The following HOXA3 variants were observed in gnomAD, a reference collection of about 807,000 sequenced individuals.
HOXA3 encodes the protein homeobox protein Hox-A3.
HOXA3 carries 8 observed loss-of-function variants against 30.3 expected under a neutral mutation model. The observed-to-expected ratio is 0.26, with a 90% CI of 0.15 to 0.48. HOXA3 has a LOEUF of 0.48. Among genes scored for constraint, HOXA3 ranks in the 20% least tolerant of loss-of-function variants. The pLI is 0.99. For synonymous variants in HOXA3, 323 were observed against 273.1 expected (o/e 1.18, Z -1.80); for missense variants, 653 against 614.4 (o/e 1.06, Z -0.66).
Position 27,108,297 on chromosome 7 carries a change from G to A in HOXA3, c.950C>T (p.Pro317Leu). The stretch of plus-strand genomic sequence containing the variant: ...TGGGGGTGGCGGGGGTGCGCAGCTG[G>A]GCAGGGACGCAGGGTAGGAGGCGGG... Reference protein sequence around the residue: ...LPPASYPASLPSCAPPPPPQK... With the variant: ...LPPASYPASLLSCAPPPPPQK... The change falls in exon 6 of 6, where the codon CCC becomes CTC. Residue 317 changes from proline (P) to leucine (L), a missense_variant. Physicochemically the swap from Pro to Leu is moderately conservative, Grantham distance 98. This residue lies in a region of HOXA3 where 330 missense variants were observed against 274.4 expected (regional missense o/e 1.20). Coordinates refer to ENST00000612286, the MANE Select transcript of HOXA3 (RefSeq NM_153631.3). The surrounding 1 kb of genome is among the most constrained non-coding windows in gnomAD (Gnocchi z 5.0). The A allele has an allele frequency of 6.6e-7, 1 of 1,524,516 alleles. No individual in the cohort carries two copies. Among genetic ancestry groups the A allele is most frequent in the Non-Finnish European group, 8.8e-7 (1 of 1,136,134 alleles). 94.4% of individuals were successfully genotyped at this position (1,524,516 alleles called of 1,614,324 possible).
chr7:27,117,882 G>A (rs913357004), intron 4 of HOXA3, among the ~76,000 whole-genome samples: 4 of 152,222 alleles, frequency 2.6e-5, no homozygotes, highest in African/African-American at 9.6e-5. Flanking sequence ...CTGCTGCAGT[G>A]GACAAAGCCA....
chr7:27,127,461 C>T (rs1218771188), intron 2 of HOXA3, among the ~76,000 whole-genome samples: 1 of 152,202 alleles, frequency 6.6e-6, no homozygotes, highest in Admixed American at 6.5e-5. Context: ...AGGGTTTTGC[C>T]ACTAATGAGA....
intron 2 of HOXA3, chr7:27,129,950 C>T: frequency 1.4e-6 from 1 of 725,542 alleles, no homozygotes; most frequent in Admixed American, 2.8e-5. Context: ...ATGTTGGGAT[C>T]AGGCGGCTGG....
rs772039301 is a variant in HOXA3 at position 27,143,130 on chromosome 7, C to T, written c.-493-2944G>A. On this transcript the variant is annotated intron_variant, in intron 1 of 5. Coordinates refer to ENST00000612286, the MANE Select transcript of HOXA3 (RefSeq NM_153631.3). Reference sequence around the variant, plus strand: ...GGGCTCGGCTCGCTCTGCGCACTCGCCTGCTCGCTGCTGGCAGGGGCGTCC... The same window carrying T: ...GGGCTCGGCTCGCTCTGCGCACTCGTCTGCTCGCTGCTGGCAGGGGCGTCC... 11 of 1,607,466 alleles carry T rather than the reference C, an allele frequency of 6.8e-6. No homozygotes were observed. The highest frequency in any genetic ancestry group is 9.3e-6 in the Non-Finnish European group (11 of 1,177,976).
At chr7:27,134,550 C>T (rs180799433) in intron 2 of HOXA3, among the ~76,000 whole-genome samples, 9 of 152,206 alleles carry the variant, frequency 5.9e-5, no homozygotes, top group African/African-American at 9.7e-5. Context: ...CAAAGAGACA[C>T]GTAATTGTCT....
At chr7:27,152,194 C>T (rs1686525470) in intron 1 of HOXA3, 94 bp downstream of exon 1, 3 of 661,794 alleles carry the variant, frequency 4.5e-6, no homozygotes, top group South Asian at 3.6e-5. Flanking sequence ...GAGTATGCCC[C>T]TCTTAAAGCC....
chr7:27,114,604 G>C (rs887746244), intron 4 of HOXA3, among the ~76,000 whole-genome samples: 3 of 150,988 alleles, frequency 2.0e-5, no homozygotes, highest in African/African-American at 7.3e-5. Flanking sequence ...AGTGAAATGG[G>C]ATGCTCTGGG....
At chr7:27,111,896 G>A (rs17471751) in intron 4 of HOXA3, among the ~76,000 whole-genome samples, 1,694 of 152,236 alleles carry the variant, frequency 0.011, 37 homozygotes, top group African/African-American at 0.038. Context: ...TTTGGCTCCC[G>A]ACGAGGGATG....
intron 4 of HOXA3, among the ~76,000 whole-genome samples, chr7:27,112,297 C>T (rs921256294): frequency 5.3e-5 from 8 of 152,010 alleles, no homozygotes; most frequent in African/African-American, 1.5e-4. Context: ...CAGAGTTATT[C>T]AAGTTTTCCA....
At chr7:27,135,665 C>A (rs1206315769) in intron 2 of HOXA3, among the ~76,000 whole-genome samples, 3 of 152,156 alleles carry the variant, frequency 2.0e-5, no homozygotes, top group Non-Finnish European at 2.9e-5. Context: ...AGACAAAAAA[C>A]CGGCCAATCA....
intron 3 of HOXA3, among the ~76,000 whole-genome samples, chr7:27,126,484 C>T (rs557959336): frequency 5.4e-4 from 82 of 151,894 alleles, no homozygotes; most frequent in Non-Finnish European, 9.1e-4. Context: ...TTTGTCCTCT[C>T]GGTGAACTCT....
At chr7:27,120,164 C>T (rs1323687309) in intron 4 of HOXA3, among the ~76,000 whole-genome samples, 1 of 152,134 alleles carries the variant, frequency 6.6e-6, no homozygotes, top group African/African-American at 2.4e-5. Flanking sequence ...TCCCTACCCC[C>T]AAGTTTCTGA....
intron 4 of HOXA3, among the ~76,000 whole-genome samples, chr7:27,119,294 TTC>T (rs1264747186): frequency 9.9e-5 from 15 of 151,718 alleles, no homozygotes; most frequent in Admixed American, 7.2e-4. Context: ...CACCAGCAAA[TTC>T]TCTCCCCACC....
intron 1 of HOXA3, chr7:27,147,378 A>G (rs1417328965): frequency 1.9e-6 from 3 of 1,613,978 alleles, no homozygotes; most frequent in South Asian, 1.1e-5. Flanking sequence ...CGCCTTCGTC[A>G]TGGAGTGCTT....
intron 3 of HOXA3, chr7:27,123,971 G>A (rs955435592): frequency 6.6e-6 from 1 of 152,266 alleles, no homozygotes; most frequent in Non-Finnish European, 1.5e-5. Context: ...GAGCAAGGTG[G>A]ACTCAGCCAT....
intron 2 of HOXA3, chr7:27,129,634 G>A: frequency 3.8e-6 from 6 of 1,579,786 alleles, no homozygotes; most frequent in Non-Finnish European, 5.2e-6. Context: ...AGGGAAAGGA[G>A]GAGGAGAGAG....
chr7:27,108,426 C>T lies in HOXA3; in HGVS notation c.821G>A (p.Gly274Asp). Residue 274 changes from glycine to aspartate, a missense_variant, in exon 6 of 6, where the codon GGT (glycine) becomes GAT (aspartate). Gly to Asp is a moderately conservative substitution (Grantham distance 94). This residue lies in a region of HOXA3 where 330 missense variants were observed against 274.4 expected (regional missense o/e 1.20). Coordinates refer to ENST00000612286, the MANE Select transcript of HOXA3 (RefSeq NM_153631.3). The surrounding 1 kb of genome is among the most constrained non-coding windows in gnomAD (Gnocchi z 5.0). Reference protein sequence around the residue: ...PSRSPVPPGAGGYLNSMHSLV... With the variant: ...PSRSPVPPGADGYLNSMHSLV... ...CGAATGCATAGAGTTCAGATAGCCACCGGCTCCGGGGGGCACGGGGCTGCG... is the reference window on the plus strand; with the variant it reads ...CGAATGCATAGAGTTCAGATAGCCATCGGCTCCGGGGGGCACGGGGCTGCG... The T allele has an allele frequency of 6.2e-7, 1 of 1,613,496 alleles. No homozygotes were observed. The highest frequency in any genetic ancestry group is 8.5e-7 in the Non-Finnish European group (1 of 1,179,736).
chr7:27,139,001 T>G (rs1785803310), intron 2 of HOXA3, among the ~76,000 whole-genome samples: 1 of 152,156 alleles, frequency 6.6e-6, no homozygotes, highest in East Asian at 1.9e-4. Flanking sequence ...CGCCTGTATG[T>G]TGAGGGGGAG....
intron 1 of HOXA3, 47 bp from the exon 2 acceptor site, chr7:27,140,233 A>G (rs1426898525): frequency 6.6e-6 from 1 of 152,124 alleles, no homozygotes; most frequent in Admixed American, 6.5e-5. Flanking sequence ...ATTATATGTT[A>G]TGTGGTATAT....
Sources: gnomAD v4.1 joint callset for allele counts (sites outside exome capture counted in the v4.1 genomes callset) on GRCh38, gnomAD v4.1.1 for gene constraint, gnomAD v4.1.1 regional missense constraint, Gnocchi (gnomAD v3.1) non-coding constraint, MANE v1.5 for transcripts, NCBI Gene and HGNC (gene_info 2026-07-23, HGNC 2026-07-21) for gene names.